Variants in GPC5 observed in about 807,000 individuals in gnomAD.
GPC5 encodes the protein glypican-5.
GPC5 carries 47 observed loss-of-function variants against 53.9 expected under a neutral mutation model. The ratio of observed to expected loss-of-function variants is 0.87; its 90% CI spans 0.69 to 1.11. The LOEUF (loss-of-function observed/expected upper bound fraction) is 1.11, where lower values mean the gene tolerates loss of function less well. Ranked by LOEUF, GPC5 falls within the 50% of genes most tolerant of loss-of-function variation. The pLI is 0.00. For missense variants in GPC5, 748 were observed against 713.1 expected (o/e 1.05, Z -0.56); for synonymous variants, 286 against 263.3 (o/e 1.09, Z -0.84).
intron 7 of GPC5, among the ~76,000 whole-genome samples, chr13:92,243,773 T>C (rs1208905935): frequency 6.6e-6 from 1 of 152,126 alleles, no homozygotes; most frequent in Non-Finnish European, 1.5e-5. Flanking sequence ...AAGATATAAA[T>C]TGGGTTGTCT....
intron 6 of GPC5, among the ~76,000 whole-genome samples, chr13:92,103,896 G>C (rs780199114): frequency 1.3e-5 from 2 of 152,066 alleles, no homozygotes; most frequent in Non-Finnish European, 1.5e-5. Context: ...TCCCAGGAAC[G>C]TAGTGGGGCT....
intron 7 of GPC5, among the ~76,000 whole-genome samples, chr13:92,722,808 G>T (rs1489643947): frequency 6.6e-6 from 1 of 151,654 alleles, no homozygotes; most frequent in East Asian, 1.9e-4. Flanking sequence ...AATGTCTTTT[G>T]TATTTTTATA....
In GPC5 at chr13:91,693,464, G is replaced by A. The variant is rs1446258549; in HGVS notation, c.603G>A (p.Val201=). Residue 201 remains valine (V), a synonymous_variant, in exon 3 of 8, where the codon GTG becomes GTA. Transcript: ENST00000377067. ...SECIRMARRD[V]SPFGNIPQRV... ...GCATCCGGATGGCTCGCCGGGATGT[G>A]AGTCCATTTGGTAATATTCCCCAAA... 6.2e-7 allele frequency: 1 copy of A among 1,614,108 alleles called. No individual in the cohort carries two copies. Among genetic ancestry groups the A allele is most frequent in the South Asian group, 1.1e-5 (1 of 91,084 alleles).
chr13:92,091,022 C>T (rs191874103), intron 6 of GPC5, among the ~76,000 whole-genome samples: 8 of 152,276 alleles, frequency 5.3e-5, no homozygotes, highest in Admixed American at 3.9e-4. Context: ...GCAGCTTTCA[C>T]GAGGGACTGA....
chr13:92,641,303 G>A (rs956771648), intron 7 of GPC5, among the ~76,000 whole-genome samples: 2 of 152,042 alleles, frequency 1.3e-5, no homozygotes, highest in African/African-American at 2.4e-5. Context: ...TCCACTTGCA[G>A]CTGTATAACC....
intron 5 of GPC5, among the ~76,000 whole-genome samples, chr13:91,827,365 AG>A (rs147480919): frequency 0.033 from 4,980 of 152,110 alleles, 103 homozygotes; most frequent in South Asian, 0.062. Flanking sequence ...CCTCATGAAA[AG>A]ACACTTATAA....
intron 7 of GPC5, among the ~76,000 whole-genome samples, chr13:92,778,154 C>T (rs1372953724): frequency 1.3e-5 from 2 of 152,158 alleles, no homozygotes; most frequent in African/African-American, 4.8e-5. Flanking sequence ...CACAATTTTT[C>T]ACAAATGTTT....
At chr13:92,491,857 T>A (rs1474727214) in intron 7 of GPC5, among the ~76,000 whole-genome samples, 1 of 152,206 alleles carries the variant, frequency 6.6e-6, no homozygotes, top group Non-Finnish European at 1.5e-5. Context: ...ATATTTCTTT[T>A]TATTTGCCCT....
intron 6 of GPC5, among the ~76,000 whole-genome samples, chr13:91,921,159 A>G (rs2039710022): frequency 6.6e-6 from 1 of 150,804 alleles, no homozygotes; most frequent in African/African-American, 2.4e-5. Flanking sequence ...CTGGTCTCCA[A>G]CTCTTGACCT....
At chr13:92,157,189 A>G (rs1445423500) in intron 7 of GPC5, among the ~76,000 whole-genome samples, 2 of 152,228 alleles carry the variant, frequency 1.3e-5, no homozygotes, top group Non-Finnish European at 2.9e-5. Context: ...TAAAATGTAA[A>G]TGGTAAATAT....
chr13:91,569,315 A>T (rs941440119), intron 2 of GPC5, among the ~76,000 whole-genome samples: 1 of 152,154 alleles, frequency 6.6e-6, no homozygotes, highest in Non-Finnish European at 1.5e-5. Flanking sequence ...CATACCCAAG[A>T]TAAGTTCTAG....
intron 7 of GPC5, among the ~76,000 whole-genome samples, chr13:92,395,609 A>T (rs913803743): frequency 1.3e-5 from 2 of 152,108 alleles, no homozygotes; most frequent in African/African-American, 2.4e-5. Context: ...TTTTCCCTTT[A>T]AATAACTTCT....
chr13:92,347,881 AT>A lies in GPC5; in HGVS notation c.1561+202894del, dbSNP rs1395042029. Reference sequence around the variant, plus strand: ...TATATATATTATATATATAATATATATTATATATATTATATATATAATATAT... The same window carrying A: ...TATATATATTATATATATAATATATATATATATATTATATATATAATATAT... On this transcript the variant is annotated intron_variant, in intron 7 of 7. Coordinates refer to ENST00000377067, the MANE Select transcript of GPC5 (RefSeq NM_004466.6). 5.6e-3 allele frequency among the ~76,000 whole-genome samples: 13 copies of A among 2,334 alleles called. 3 individuals carry two copies. Among genetic ancestry groups the A allele is most frequent in the Admixed American group, 0.031 (3 of 98 alleles). 1.5% of individuals were successfully genotyped at this position (2,334 alleles called of 152,430 possible). A position where few individuals can be genotyped will look rare whatever the true frequency, so the allele number is the denominator to read the frequency against.
chr13:92,286,603 G>T (rs1358575652), intron 7 of GPC5, among the ~76,000 whole-genome samples: 1 of 152,094 alleles, frequency 6.6e-6, no homozygotes, highest in Non-Finnish European at 1.5e-5. Context: ...GATGAAGCTG[G>T]ATACCATTAT....
intron 7 of GPC5, among the ~76,000 whole-genome samples, chr13:92,728,517 A>T (rs867591819): frequency 6.6e-6 from 1 of 151,400 alleles, no homozygotes; most frequent in Non-Finnish European, 1.5e-5. Flanking sequence ...TTCAGAACGC[A>T]TCCAACATGA....
At position 91,533,347 on chromosome 13, in the gene GPC5, A is replaced by T. The variant is rs1886438620; in HGVS notation, c.325+84425A>T. ...TGGGCTTGAGAAAATTAGTTCAAAG[A>T]CTGGAATTGTCATTAACAACTCTAT... is the stretch of plus-strand genomic sequence containing the variant. On this transcript the variant is annotated intron_variant, in intron 2 of 7. Transcript: ENST00000377067. Among the ~76,000 whole-genome samples, 2 of 152,172 alleles carry T rather than the reference A, an allele frequency of 1.3e-5. 1 individual carries two copies. Among genetic ancestry groups the T allele is most frequent in the South Asian group, 4.1e-4 (2 of 4,828 alleles).
At chr13:92,523,927 ATAAT>A (rs1288645333) in intron 7 of GPC5, among the ~76,000 whole-genome samples, 28 of 152,136 alleles carry the variant, frequency 1.8e-4, no homozygotes. Context: ...AATTTTAAAA[ATAAT>A]TTATTGTTAA....
intron 6 of GPC5, among the ~76,000 whole-genome samples, chr13:92,092,193 A>C (rs1371523801): frequency 6.6e-6 from 1 of 152,158 alleles, no homozygotes; most frequent in Non-Finnish European, 1.5e-5. Context: ...CTCTCTGCAT[A>C]CCTCTTATGC....
At chr13:91,847,371 G>GTGTA (rs1033265192) in intron 5 of GPC5, among the ~76,000 whole-genome samples, 3 of 152,026 alleles carry the variant, frequency 2.0e-5, no homozygotes, top group African/African-American at 7.2e-5. Context: ...GTGTGTGTGT[G>GTGTA]TGTATGTACA....
Sources: gnomAD v4.1 joint callset for allele counts (sites outside exome capture counted in the v4.1 genomes callset) on GRCh38, gnomAD v4.1.1 for gene constraint, MANE v1.5 for transcripts, NCBI Gene and HGNC (gene_info 2026-07-23, HGNC 2026-07-21) for gene names.